Variants in JAZF1 observed in about 807,000 individuals in gnomAD.
The protein encoded by JAZF1 is juxtaposed with another zinc finger protein 1.
Under a neutral mutation model 26.4 loss-of-function variants are expected in JAZF1, and 8 were observed. That is an observed-to-expected ratio of 0.30 (90% CI 0.18 to 0.55). The LOEUF (loss-of-function observed/expected upper bound fraction) is 0.55. JAZF1 is among the 20% of genes least tolerant of loss of function. JAZF1 has a pLI of 0.94. For missense variants in JAZF1, 199 were observed against 322.0 expected (o/e 0.62, Z 2.92); for synonymous variants, 126 against 122.3 (o/e 1.03, Z -0.20).
intron 1 of JAZF1, among the ~76,000 whole-genome samples, chr7:28,033,261 T>A (rs1326124541): frequency 6.6e-6 from 1 of 152,106 alleles, no homozygotes; most frequent in Non-Finnish European, 1.5e-5. Flanking sequence ...ATAAAAACAT[T>A]TCCAAGGAGT....
At chr7:27,848,998 C>T (rs1783080142) in intron 3 of JAZF1, among the ~76,000 whole-genome samples, 1 of 152,206 alleles carries the variant, frequency 6.6e-6, no homozygotes, top group South Asian at 2.1e-4. Flanking sequence ...TTTGTCTCCC[C>T]AACTGATCAG....
At chr7:27,983,173 C>T (rs1785623080) in intron 2 of JAZF1, among the ~76,000 whole-genome samples, 1 of 152,128 alleles carries the variant, frequency 6.6e-6, no homozygotes, top group Admixed American at 6.5e-5. Context: ...GATGTTCGAA[C>T]CCATGGCAAA....
In JAZF1 at chr7:27,985,640, G is replaced by A. The variant is rs1476346626; in HGVS notation, c.188+6269C>T. Among the ~76,000 whole-genome samples the A allele has an allele frequency of 1.3e-5, 2 of 152,094 alleles. 1 individual carries two copies. The highest frequency in any genetic ancestry group is 4.1e-4 in the South Asian group (2 of 4,828). ...CATCCTGATATCAAAGCCTGGCAGAGACACAACAAAAAAAGAGAATTTTAG... is the reference window on the plus strand; with the variant it reads ...CATCCTGATATCAAAGCCTGGCAGAAACACAACAAAAAAAGAGAATTTTAG... On this transcript the variant is annotated intron_variant, in intron 2 of 4. Transcript: ENST00000283928.
intron 1 of JAZF1, among the ~76,000 whole-genome samples, chr7:28,036,131 G>T (rs561316781): frequency 3.3e-5 from 5 of 152,156 alleles, no homozygotes; most frequent in Non-Finnish European, 7.3e-5. Flanking sequence ...GCACTAATAT[G>T]TAACAACTGT....
chr7:28,027,585 G>A (rs184509856), intron 1 of JAZF1, among the ~76,000 whole-genome samples: 7 of 152,132 alleles, frequency 4.6e-5, no homozygotes, highest in Non-Finnish European at 7.4e-5. Context: ...AAATGGGAAC[G>A]TGGGTTGGGA....
At chr7:28,020,331 C>T (rs541654701) in intron 1 of JAZF1, among the ~76,000 whole-genome samples, 1 of 152,166 alleles carries the variant, frequency 6.6e-6, no homozygotes, top group South Asian at 2.1e-4. Context: ...GAGAGAAAAG[C>T]GAAGAGAAGC....
intron 2 of JAZF1, among the ~76,000 whole-genome samples, chr7:27,980,938 G>C (rs754788877): frequency 5.9e-5 from 9 of 152,088 alleles, no homozygotes; most frequent in Non-Finnish European, 8.8e-5. Context: ...GCTAGTAGTT[G>C]TCTGTTGCTT....
chr7:28,045,662 G>C (rs771287466), intron 1 of JAZF1, among the ~76,000 whole-genome samples: 3 of 152,108 alleles, frequency 2.0e-5, no homozygotes, highest in Admixed American at 1.3e-4. Flanking sequence ...CTATAGCCTT[G>C]AACTCCTGGG....
intron 1 of JAZF1, among the ~76,000 whole-genome samples, chr7:28,007,311 T>TA (rs1782721071): frequency 6.6e-6 from 1 of 151,560 alleles, no homozygotes; most frequent in African/African-American, 2.4e-5. Flanking sequence ...CTACTGAAAA[T>TA]AAAAAAAATT....
intron 1 of JAZF1, among the ~76,000 whole-genome samples, chr7:28,151,113 T>A (rs762020902): frequency 1.8e-4 from 9 of 51,270 alleles, no homozygotes; most frequent in Non-Finnish European, 2.3e-4. Flanking sequence ...ATATATATAT[T>A]TTTTTTTTGA....
chr7:27,932,794 C>T (rs1583469033), intron 2 of JAZF1, among the ~76,000 whole-genome samples: 1 of 152,300 alleles, frequency 6.6e-6, no homozygotes, highest in East Asian at 1.9e-4. Flanking sequence ...GAACTATTTA[C>T]GTGTGTGGTG....
intron 2 of JAZF1, among the ~76,000 whole-genome samples, chr7:27,950,508 C>T (rs1027467444): frequency 1.1e-4 from 16 of 152,308 alleles, no homozygotes; most frequent in African/African-American, 3.6e-4. Flanking sequence ...CCCACACCCA[C>T]GGGACCTTTG....
chr7:27,852,837 T>G (rs1205498571), intron 3 of JAZF1, among the ~76,000 whole-genome samples: 1 of 152,222 alleles, frequency 6.6e-6, no homozygotes, highest in African/African-American at 2.4e-5. Flanking sequence ...TTCAATTAAT[T>G]ACCAGTCATT....
At chr7:27,959,914 A>G (rs1403199303) in intron 2 of JAZF1, among the ~76,000 whole-genome samples, 4 of 127,056 alleles carry the variant, frequency 3.1e-5, no homozygotes, top group African/African-American at 1.2e-4. Context: ...AAAAAAAAAA[A>G]ATGTGCAGAT....
intron 1 of JAZF1, among the ~76,000 whole-genome samples, chr7:28,103,914 C>T (rs1784512664): frequency 6.6e-6 from 1 of 152,220 alleles, no homozygotes; most frequent in African/African-American, 2.4e-5. Context: ...TCTCAAGGGC[C>T]ACTGGCTCCC....
At chr7:27,918,238 C>A (rs1989909) in intron 2 of JAZF1, among the ~76,000 whole-genome samples, 41,162 of 152,018 alleles carry the variant, frequency 0.27, 5,865 homozygotes, top group East Asian at 0.36. Flanking sequence ...TTTTATACTG[C>A]ACTTTAATTA....
intron 1 of JAZF1, among the ~76,000 whole-genome samples, chr7:28,061,100 G>A (rs1189996137): frequency 6.6e-6 from 1 of 152,194 alleles, no homozygotes; most frequent in Non-Finnish European, 1.5e-5. Context: ...TTCTAAAATG[G>A]GAACAAGAAT....
chr7:28,027,890 G>A (rs1279702496), intron 1 of JAZF1, among the ~76,000 whole-genome samples: 1 of 152,200 alleles, frequency 6.6e-6, no homozygotes, highest in Non-Finnish European at 1.5e-5. Flanking sequence ...ATGCAGTGGG[G>A]AAACAGGGCT....
chr7:28,098,348 T>C (rs911351998), intron 1 of JAZF1, among the ~76,000 whole-genome samples: 4 of 152,092 alleles, frequency 2.6e-5, no homozygotes, highest in African/African-American at 7.2e-5. Context: ...AAATAAATGA[T>C]TGTGTGTAAG....
Sources: gnomAD v4.1 joint callset for allele counts (sites outside exome capture counted in the v4.1 genomes callset) on GRCh38, gnomAD v4.1.1 for gene constraint, MANE v1.5 for transcripts, NCBI Gene and HGNC (gene_info 2026-07-23, HGNC 2026-07-21) for gene names.